The following SRRM4 variants were observed in gnomAD, a reference collection of about 807,000 sequenced individuals.
SRRM4 encodes the protein serine/arginine repetitive matrix protein 4.
A neutral mutation model predicts 68.9 loss-of-function variants in SRRM4; 33 were observed. The ratio of observed to expected loss-of-function variants is 0.48; its 90% CI spans 0.36 to 0.64. The LOEUF is 0.64. Among genes scored for constraint, SRRM4 ranks in the 30% least tolerant of loss-of-function variants. The probability of loss-of-function intolerance (pLI) is 0.00; values close to 1 mark genes in which losing one functional copy is unlikely to be tolerated. For synonymous variants in SRRM4, 318 were observed against 318.8 expected, an observed-to-expected ratio of 1.00 and a Z score of 0.03; for missense variants, 817 against 827.1, an observed-to-expected ratio of 0.99 and a Z score of 0.15.
At chr12:119,141,917 G>A (rs1954367687) in intron 8 of SRRM4, among the ~76,000 whole-genome samples, 1 of 152,220 alleles carries the variant, frequency 6.6e-6, no homozygotes, top group African/African-American at 2.4e-5. Context: ...TCCTGGTCTG[G>A]AGGATGAGAG....
At chr12:119,029,948 C>G (rs1414987752) in intron 1 of SRRM4, among the ~76,000 whole-genome samples, 1 of 152,080 alleles carries the variant, frequency 6.6e-6, no homozygotes, top group African/African-American at 2.4e-5. Context: ...ATGGCCCATA[C>G]CTGGGGACCC....
chr12:119,121,901 C>T (rs547136253), intron 5 of SRRM4, among the ~76,000 whole-genome samples, 169 bp from the exon 6 acceptor site: 11 of 152,248 alleles, frequency 7.2e-5, no homozygotes, highest in East Asian at 5.8e-4. Flanking sequence ...TATCCCTAGC[C>T]GAATTTGCTG....
chr12:119,122,318 G>A (rs924094962), intron 6 of SRRM4, among the ~76,000 whole-genome samples, 198 bp downstream of exon 6: 1 of 150,016 alleles, frequency 6.7e-6, no homozygotes, highest in African/African-American at 2.5e-5. Context: ...AAGGAAGGAA[G>A]GAAGGAAGGA....
In SRRM4 at chr12:119,040,956, C is replaced by T. The variant is rs78390648; in HGVS notation, c.131+58943C>T. On this transcript the variant is annotated intron_variant, in intron 1 of 12. Transcript: ENST00000267260. ...TTTTTAAGTAAAGGTGGGGTTTCACCATGCTGGCCAGGCCGGTCTTGAACT... is the reference window on the plus strand; with the variant it reads ...TTTTTAAGTAAAGGTGGGGTTTCACTATGCTGGCCAGGCCGGTCTTGAACT... Among the ~76,000 whole-genome samples the T allele has an allele frequency of 8.7e-3, 1,322 of 151,870 alleles. 8 individuals are homozygous for T. The highest frequency in any genetic ancestry group is 0.02 in the Middle Eastern group (6 of 294).
Position 119,065,801 on chromosome 12 carries a change from A to G in SRRM4, c.132-36435A>G, listed in dbSNP as rs191087140. Among the ~76,000 whole-genome samples the G allele has an allele frequency of 7.7e-4, 117 of 151,914 alleles. 1 individual carries two copies. The highest frequency in any genetic ancestry group is 2.3e-3 in the African/African-American group (95 of 41,376). On this transcript the variant is annotated intron_variant, in intron 1 of 12. Transcript: ENST00000267260. ...CATGGGTCAGTGGTTGAATGGATGC[A>G]TGGATGGATGGATGGATGGACAGAT...
intron 2 of SRRM4, chr12:119,114,032 A>G: frequency 2.8e-6 from 1 of 353,658 alleles, no homozygotes. Flanking sequence ...AACCTCTATA[A>G]CTCTGTTTTT....
At chr12:119,069,925 G>T (rs952363582) in intron 1 of SRRM4, among the ~76,000 whole-genome samples, 1 of 152,094 alleles carries the variant, frequency 6.6e-6, no homozygotes, top group African/African-American at 2.4e-5. Flanking sequence ...ACCTACCAGG[G>T]TCATATAGAT....
At chr12:119,124,015 G>C (rs1160020740) in intron 6 of SRRM4, among the ~76,000 whole-genome samples, 2 of 152,200 alleles carry the variant, frequency 1.3e-5, no homozygotes, top group Non-Finnish European at 2.9e-5. Flanking sequence ...ACCATTCCAG[G>C]CTGCAAGTTA....
At chr12:119,007,647 C>T (rs1207558126) in intron 1 of SRRM4, among the ~76,000 whole-genome samples, 1 of 152,180 alleles carries the variant, frequency 6.6e-6, no homozygotes, top group Non-Finnish European at 1.5e-5. Flanking sequence ...AGGAAACAAA[C>T]TCAGAGAGGT....
intron 1 of SRRM4, among the ~76,000 whole-genome samples, chr12:119,010,908 G>C (rs557902837): frequency 6.6e-6 from 1 of 152,226 alleles, no homozygotes; most frequent in African/African-American, 2.4e-5. Flanking sequence ...ACTGTGACAG[G>C]AAAAAGCAAA....
At chr12:118,991,155 T>C (rs903103288) in intron 1 of SRRM4, among the ~76,000 whole-genome samples, 13 of 152,176 alleles carry the variant, frequency 8.5e-5, no homozygotes, top group African/African-American at 3.1e-4. Context: ...GCCTCTAGCC[T>C]CTTCATGGTC....
At chr12:119,046,160 C>T (rs983404650) in intron 1 of SRRM4, among the ~76,000 whole-genome samples, 1 of 152,154 alleles carries the variant, frequency 6.6e-6, no homozygotes, top group Non-Finnish European at 1.5e-5. Flanking sequence ...TTTTCAGAAC[C>T]TCTTGATCTC....
rs1243832569 is a variant in SRRM4 at position 119,161,451 on chromosome 12, G to T, written c.*4653G>T. 1.3e-5 allele frequency: 2 copies of T among 152,190 alleles called. No individual in the cohort carries two copies. The highest frequency in any genetic ancestry group is 2.4e-5 in the African/African-American group (1 of 41,450). The allele number at this position is 152,190 out of a possible 1,614,324, so 9.4% of individuals were successfully genotyped here. A position where few individuals can be genotyped will look rare whatever the true frequency, so the allele number is the denominator to read the frequency against. Reference sequence around the variant, plus strand: ...AAATGTCATCTCTCTTCTATCTGTGGTTGCTGTTTTTGGAGTAAAAGTTTC... The same window carrying T: ...AAATGTCATCTCTCTTCTATCTGTGTTTGCTGTTTTTGGAGTAAAAGTTTC... On this transcript the variant is annotated 3_prime_UTR_variant, in exon 13 of 13. Transcript: ENST00000267260.
intron 1 of SRRM4, among the ~76,000 whole-genome samples, chr12:119,020,966 G>A (rs1953512596): frequency 1.3e-5 from 2 of 152,202 alleles, no homozygotes; most frequent in South Asian, 4.1e-4. Flanking sequence ...GCGGGAAAGT[G>A]ATTCCTAGAG....
intron 1 of SRRM4, among the ~76,000 whole-genome samples, chr12:119,077,885 A>G (rs1199545876): frequency 6.6e-6 from 1 of 152,182 alleles, no homozygotes; most frequent in Admixed American, 6.5e-5. Flanking sequence ...TCTCTCCCCA[A>G]CACTATAAAG....
At chr12:119,147,247 A>C (rs1954409027) in intron 9 of SRRM4, among the ~76,000 whole-genome samples, 1 of 152,234 alleles carries the variant, frequency 6.6e-6, no homozygotes. Flanking sequence ...ACTGTATGAC[A>C]TTCTGGAAAA....
At chr12:118,983,226 C>T (rs369485225) in intron 1 of SRRM4, among the ~76,000 whole-genome samples, 19 of 152,294 alleles carry the variant, frequency 1.2e-4, no homozygotes, top group African/African-American at 4.6e-4. Flanking sequence ...AGAAGTTTTC[C>T]TCTTCACTGT....
chr12:119,040,041 A>T (rs539246011), intron 1 of SRRM4, among the ~76,000 whole-genome samples: 32 of 152,274 alleles, frequency 2.1e-4, no homozygotes, highest in Admixed American at 9.8e-4. Context: ...TGTTAGTTAT[A>T]TGTAACTTTC....
chr12:119,007,654 A>G (rs1953424066), intron 1 of SRRM4, among the ~76,000 whole-genome samples: 1 of 152,184 alleles, frequency 6.6e-6, no homozygotes, highest in Non-Finnish European at 1.5e-5. Flanking sequence ...AAACTCAGAG[A>G]GGTTCAGTGA....
Sources: allele counts gnomAD v4.1 joint callset (sites outside exome capture counted in the v4.1 genomes callset), GRCh38; gene constraint gnomAD v4.1.1; transcripts MANE v1.5; gene names NCBI Gene and HGNC (gene_info 2026-07-23, HGNC 2026-07-21).